Variants in PAOX observed in about 807,000 individuals in gnomAD.
The protein encoded by PAOX is polyamine oxidase, also known as peroxisomal N(1)-acetyl-spermine/spermidine oxidase.
In PAOX, 38 loss-of-function variants were observed where a neutral mutation model predicts 39.0. The ratio of observed to expected loss-of-function variants is 0.97; its 90% CI spans 0.75 to 1.28. The LOEUF (loss-of-function observed/expected upper bound fraction) is 1.28, where lower values mean the gene tolerates loss of function less well. PAOX is among the 50% of genes most tolerant of loss of function. PAOX has a pLI of 0.00. For missense variants in PAOX, 667 were observed against 685.7 expected (o/e 0.97, Z 0.30); for synonymous variants, 311 against 314.4 (o/e 0.99, Z 0.11).
chr10:133,390,229 C>T lies in PAOX; in HGVS notation c.1392+482C>T, dbSNP rs142550045. On this transcript the variant is annotated intron_variant, in intron 6 of 6. Transcript: ENST00000278060. ...GCATGACTCACACAGGACATTGTCT[C>T]ACCTCAGGATATTTTGGTGCCTGTT... is the stretch of plus-strand genomic sequence containing the variant. 8.1e-3 allele frequency among the ~76,000 whole-genome samples: 1,131 copies of T among 139,330 alleles called. 14 individuals carry two copies. Among genetic ancestry groups the T allele is most frequent in the African/African-American group, 0.028 (1,082 of 38,532 alleles). The allele number at this position is 139,330 out of a possible 152,430, so 91.4% of individuals were successfully genotyped here.
intron 1 of PAOX, chr10:133,379,740 C>A: frequency 1.8e-6 from 1 of 546,146 alleles, no homozygotes; most frequent in Non-Finnish European, 2.9e-6. Flanking sequence ...TTCTGCCCCA[C>A]GGGGGCCCCC....
intron 6 of PAOX, 81 bp from the exon 7 acceptor site, chr10:133,391,230 TG>T: frequency 7.1e-7 from 1 of 1,406,406 alleles, no homozygotes; most frequent in Non-Finnish European, 1.0e-6. Context: ...GGTGGATGCT[TG>T]TGAGCCATTT....
At chr10:133,382,997 T>C (rs1184858736) in intron 3 of PAOX, 6 of 151,856 alleles carry the variant, frequency 4.0e-5, no homozygotes, top group African/African-American at 1.5e-4. Flanking sequence ...AGTAGATACA[T>C]TGCTACAACT....
rs778099387 is a variant in PAOX at position 133,391,331 on chromosome 10, G to C, written c.1412G>C (p.Gly471Ala). 1 of 1,613,548 alleles carries C rather than the reference G, an allele frequency of 6.2e-7. No homozygotes were observed. The highest frequency in any genetic ancestry group is 8.5e-7 in the Non-Finnish European group (1 of 1,180,034). Residue 471 changes from glycine (G) to alanine (A), a missense_variant, in exon 7 of 7, where the codon GGG becomes GCG. By Grantham distance (60) the Gly-to-Ala change is moderately conservative (BLOSUM62 0). Coordinates refer to ENST00000278060, the MANE Select transcript of PAOX (RefSeq NM_152911.4). ...TTGCAGCTCCAGATCCTGTTTGCGGGGGAAGCCACACATCGCACGTTTTAC... is the reference window on the plus strand; with the variant it reads ...TTGCAGCTCCAGATCCTGTTTGCGGCGGAAGCCACACATCGCACGTTTTAC... ...AGAQLQILFA[G>A]EATHRTFYST...
Position 133,389,652 on chromosome 10 carries a change from A to T in PAOX, c.1297A>T (p.Thr433Ser). The T allele has an allele frequency of 6.2e-7, 1 of 1,613,212 alleles. No individual in the cohort carries two copies. Residue 433 changes from threonine to serine, a missense_variant, in exon 6 of 7, where the codon ACT (threonine) becomes TCT (serine). Transcript: ENST00000278060. Reference protein sequence around the residue: ...LRSRWHSAPYTRGSYSYVAVG... With the variant: ...LRSRWHSAPYSRGSYSYVAVG... The stretch of plus-strand genomic sequence containing the variant: ...GTCTCGCTGGCACAGCGCCCCGTAC[A>T]CTAGGGGGTCCTACAGCTACGTGGC...
At chr10:133,390,531 T>C (rs531363729) in intron 6 of PAOX, among the ~76,000 whole-genome samples, 1 of 152,208 alleles carries the variant, frequency 6.6e-6, no homozygotes, top group South Asian at 2.1e-4. Flanking sequence ...AAGCTATGAC[T>C]GCACCACTGG....
Position 133,383,946 on chromosome 10 carries a change from A to G in PAOX, c.869-14A>G. Reference sequence around the variant, plus strand: ...CTTTATGTGATGTAAGAAGAGTCCAATTCTGAATTCCAGGTTTTCTTAGGG... The same window carrying G: ...CTTTATGTGATGTAAGAAGAGTCCAGTTCTGAATTCCAGGTTTTCTTAGGG... On this transcript the variant is annotated splice_polypyrimidine_tract_variant and intron_variant, in intron 3 of 6. Coordinates refer to ENST00000278060, the MANE Select transcript of PAOX (RefSeq NM_152911.4). The G allele has an allele frequency of 6.2e-7, 1 of 1,609,320 alleles. No homozygotes were observed.
At chr10:133,386,600 G>A (rs1006842301) in intron 4 of PAOX, among the ~76,000 whole-genome samples, 6 of 151,670 alleles carry the variant, frequency 4.0e-5, no homozygotes, top group Non-Finnish European at 5.9e-5. Flanking sequence ...TCAGCCTCCT[G>A]AGTAGCTGGG....
At position 133,381,475 on chromosome 10, in the gene PAOX, C is replaced by T. The variant is rs1378959259; in HGVS notation, c.684C>T (p.Leu228=). Residue 228 remains leucine, a synonymous_variant, in exon 3 of 7, where the codon CTC becomes CTT. Transcript: ENST00000278060. ...GTCTTTCTAGGGGCTATCAAGGACTCACAAACTGCATGATGGCCGCCCTGC... is the reference window on the plus strand; with the variant it reads ...GTCTTTCTAGGGGCTATCAAGGACTTACAAACTGCATGATGGCCGCCCTGC... The part of the protein sequence containing the change: ...DCTFSKGYQG[L]TNCMMAALPE... 1 of 1,613,690 alleles carries T rather than the reference C, an allele frequency of 6.2e-7. No individual in the cohort carries two copies. Among genetic ancestry groups the T allele is most frequent in the Non-Finnish European group, 8.5e-7 (1 of 1,180,042 alleles).
At position 133,384,383 on chromosome 10, in the gene PAOX, G is replaced by C. The variant is rs1849480946; in HGVS notation, c.1121+171G>C. On this transcript the variant is annotated intron_variant, in intron 4 of 6. Transcript: ENST00000278060. The surrounding 1 kb of genome is among the most constrained non-coding windows in gnomAD (Gnocchi z 4.3). Reference sequence around the variant, plus strand: ...CTGGCTGCACCTGGGCCTGACCCCTGCGGGGACAGATGGCGCCCTGCTGTA... The same window carrying C: ...CTGGCTGCACCTGGGCCTGACCCCTCCGGGGACAGATGGCGCCCTGCTGTA... Among the ~76,000 whole-genome samples the C allele has an allele frequency of 6.6e-6, 1 of 152,184 alleles. No homozygotes were observed. Among genetic ancestry groups the C allele is most frequent in the African/African-American group, 2.4e-5 (1 of 41,446 alleles).
chr10:133,379,845 T>C, intron 1 of PAOX, 154 bp from the exon 2 acceptor site: 2 of 1,024,308 alleles, frequency 2.0e-6, no homozygotes, highest in Non-Finnish European at 2.7e-6. Context: ...AAACTGGGTC[T>C]GACAGGGCCC....
chr10:133,380,309 C>T lies in PAOX; in HGVS notation c.492C>T (p.Gly164=). The T allele has an allele frequency of 6.2e-7, 1 of 1,612,884 alleles. No homozygotes were observed. ...GGGAGTACCTCAAGAAGGAGATTGG[C>T]CAGCACGTGGCCGGCTGGACAGAGG... ...SVGEYLKKEI[G]QHVAGWTEDE... Residue 164 remains glycine (G), a synonymous_variant, in exon 2 of 7, where the codon GGC becomes GGT. Coordinates refer to ENST00000278060, the MANE Select transcript of PAOX (RefSeq NM_152911.4).
rs960084356 is a variant in PAOX at position 133,384,465 on chromosome 10, C to G, written c.1121+253C>G. ...ATGTGTTTGTAGACTTGCAGGCAGG[C>G]TCAGTCTTCAGTCAGTGGGAACGTG... is the stretch of plus-strand genomic sequence containing the variant. On this transcript the variant is annotated intron_variant, in intron 4 of 6. Transcript: ENST00000278060. The surrounding 1 kb of genome is among the most constrained non-coding windows in gnomAD (Gnocchi z 4.3). Among the ~76,000 whole-genome samples the G allele has an allele frequency of 2.0e-5, 3 of 152,180 alleles. No homozygotes were observed. Among genetic ancestry groups the G allele is most frequent in the African/African-American group, 7.2e-5 (3 of 41,432 alleles).
Position 133,384,381 on chromosome 10 carries a change from C to T in PAOX, c.1121+169C>T, listed in dbSNP as rs1310887531. Among the ~76,000 whole-genome samples, 12 of 152,308 alleles carry T rather than the reference C, an allele frequency of 7.9e-5. No homozygotes were observed. Among genetic ancestry groups the T allele is most frequent in the African/African-American group, 2.9e-4 (12 of 41,570 alleles). On this transcript the variant is annotated intron_variant, in intron 4 of 6. Transcript: ENST00000278060. This position sits in a 1 kb window ranked among gnomAD's most constrained non-coding sequence, Gnocchi z 4.3. ...TGCTGGCTGCACCTGGGCCTGACCC[C>T]TGCGGGGACAGATGGCGCCCTGCTG...
Position 133,380,492 on chromosome 10 carries a change from G to T in PAOX, c.668+7G>T, listed in dbSNP as rs754022009. 1 of 1,578,530 alleles carries T rather than the reference G, an allele frequency of 6.3e-7. No homozygotes were observed. The highest frequency in any genetic ancestry group is 2.3e-5 in the East Asian group (1 of 44,062). On this transcript the variant is annotated splice_region_variant and intron_variant, in intron 2 of 6. Transcript: ENST00000278060. ...TGGACTGCACCTTTTCTAAGTGCGT[G>T]CCTGAGCCCCTGCCCCGCCAGTCCT...
chr10:133,385,721 C>G (rs1306627952), intron 4 of PAOX, among the ~76,000 whole-genome samples: 1 of 151,874 alleles, frequency 6.6e-6, no homozygotes, highest in Non-Finnish European at 1.5e-5. Flanking sequence ...GTAGCTGGAA[C>G]TACAGGCACC....
chr10:133,388,695 C>T (rs1467783799), intron 4 of PAOX, among the ~76,000 whole-genome samples: 1 of 152,202 alleles, frequency 6.6e-6, no homozygotes, highest in Non-Finnish European at 1.5e-5. Context: ...CAGGACTTTG[C>T]CGCCCACACT....
In PAOX at chr10:133,380,374, CCTT is replaced by C. The variant is rs1345822201; in HGVS notation, c.562_564del (p.Phe188del). ...AAGCTGAAGCTGGCCGTCCTGAACT[CCTT>C]CTTCAACCTGGAATGCTGTGTGAGC... is the stretch of plus-strand genomic sequence containing the variant. On this transcript the variant is annotated inframe_deletion, in exon 2 of 7. Transcript: ENST00000278060. 6.8e-6 allele frequency: 11 copies of C among 1,612,930 alleles called. No individual in the cohort carries two copies. Among genetic ancestry groups the C allele is most frequent in the South Asian group, 2.2e-5 (2 of 91,084 alleles).
In PAOX at chr10:133,381,505, G is replaced by A. The variant is rs763492520; in HGVS notation, c.714G>A (p.Glu238=). The A allele has an allele frequency of 3.1e-6, 5 of 1,613,714 alleles. No individual in the cohort carries two copies. In the South Asian group the frequency reaches 4.4e-5, roughly 14 times the overall value. The change falls in exon 3 of 7, where the codon GAG becomes GAA. Residue 238 remains glutamate (E), a synonymous_variant. Transcript: ENST00000278060. ...ACTGCATGATGGCCGCCCTGCCGGA[G>A]GACACTGTAGTTTTTGAGAAGCCTG... The part of the protein sequence containing the change: ...LTNCMMAALP[E]DTVVFEKPVK...
Sources: gnomAD v4.1 joint callset for allele counts (sites outside exome capture counted in the v4.1 genomes callset) on GRCh38, gnomAD v4.1.1 for gene constraint, Gnocchi (gnomAD v3.1) non-coding constraint, MANE v1.5 for transcripts, NCBI Gene and HGNC (gene_info 2026-07-23, HGNC 2026-07-21) for gene names.